PIK3R1: variants seen among roughly 807,000 people sequenced by gnomAD.
PIK3R1 encodes phosphoinositide-3-kinase regulatory subunit 1.
PIK3R1 carries 29 observed loss-of-function variants against 98.0 expected under a neutral mutation model. The ratio of observed to expected loss-of-function variants is 0.30; its 90% CI spans 0.22 to 0.40. PIK3R1 has a LOEUF of 0.40. Among genes scored for constraint, PIK3R1 ranks in the 10% least tolerant of loss-of-function variants. The pLI, the probability that PIK3R1 is intolerant of heterozygous loss-of-function variation, is 1.00. For synonymous variants in PIK3R1, 282 were observed against 311.8 expected (o/e 0.90, Z 1.01); for missense variants, 596 against 872.7 (o/e 0.68, Z 3.99).
At chr5:68,224,806 A>G (rs1363091270) in intron 1 of PIK3R1, among the ~76,000 whole-genome samples, 2 of 152,238 alleles carry the variant, frequency 1.3e-5, no homozygotes, top group Admixed American at 6.5e-5. Flanking sequence ...TACAAAGTGT[A>G]TATGTGTACA....
intron 2 of PIK3R1, among the ~76,000 whole-genome samples, chr5:68,257,546 T>G (rs1437009106): frequency 6.6e-6 from 1 of 152,268 alleles, no homozygotes; most frequent in African/African-American, 2.4e-5. Flanking sequence ...TTGAATTTAT[T>G]ATGTTCTGCT....
chr5:68,239,405 C>T (rs1580187769), intron 2 of PIK3R1, among the ~76,000 whole-genome samples: 1 of 152,088 alleles, frequency 6.6e-6, no homozygotes, highest in South Asian at 2.1e-4. Context: ...CGTATATACA[C>T]ATACATATAT....
At chr5:68,259,057 G>A (rs1446113039) in intron 2 of PIK3R1, among the ~76,000 whole-genome samples, 2 of 152,102 alleles carry the variant, frequency 1.3e-5, no homozygotes, top group African/African-American at 4.8e-5. Flanking sequence ...TCACACTAAA[G>A]AAAAATTGAA....
intron 7 of PIK3R1, among the ~76,000 whole-genome samples, chr5:68,283,496 A>T (rs777170544): frequency 5.9e-5 from 9 of 152,232 alleles, no homozygotes; most frequent in Non-Finnish European, 1.3e-4. Flanking sequence ...AGGGCTTGAA[A>T]TGTGCCTTGA....
chr5:68,225,356 C>T (rs951829283), intron 1 of PIK3R1, among the ~76,000 whole-genome samples: 2 of 152,108 alleles, frequency 1.3e-5, no homozygotes, highest in African/African-American at 4.8e-5. Flanking sequence ...GAATCACAGA[C>T]CAGGGTTTCA....
At chr5:68,288,050 C>T (rs1747151027) in intron 7 of PIK3R1, among the ~76,000 whole-genome samples, 1 of 152,132 alleles carries the variant, frequency 6.6e-6, no homozygotes, top group Non-Finnish European at 1.5e-5. Flanking sequence ...CCAAGAGGTT[C>T]AGGCCTTTAC....
At chr5:68,240,430 A>T (rs1744830744) in intron 2 of PIK3R1, among the ~76,000 whole-genome samples, 1 of 152,250 alleles carries the variant, frequency 6.6e-6, no homozygotes, top group African/African-American at 2.4e-5. Context: ...GAGGAAGTTT[A>T]AACATATTGG....
chr5:68,254,810 C>CA (rs1471665231), intron 2 of PIK3R1, among the ~76,000 whole-genome samples: 1 of 150,046 alleles, frequency 6.7e-6, no homozygotes, highest in African/African-American at 2.5e-5. Flanking sequence ...GAGTAGATTG[C>CA]ATCAGTACAG....
chr5:68,226,195 C>A (rs1291003639), intron 1 of PIK3R1, 95 bp from the exon 2 acceptor site: 1 of 373,170 alleles, frequency 2.7e-6, no homozygotes, highest in Non-Finnish European at 4.8e-6. Flanking sequence ...TCTGCCAAAT[C>A]GATTAAGTAC....
intron 2 of PIK3R1, among the ~76,000 whole-genome samples, chr5:68,248,721 T>A (rs774884160): frequency 2.6e-5 from 4 of 152,100 alleles, no homozygotes; most frequent in East Asian, 3.8e-4. Context: ...AAGAAAGAGG[T>A]CATACAAGGG....
intron 2 of PIK3R1, chr5:68,239,813 G>T: frequency 2.0e-6 from 1 of 498,388 alleles, no homozygotes; most frequent in South Asian, 1.6e-5. Flanking sequence ...GACAAAGTGA[G>T]TTAAACAAGC....
intron 2 of PIK3R1, among the ~76,000 whole-genome samples, chr5:68,248,283 A>C (rs1171481672): frequency 6.6e-6 from 1 of 152,156 alleles, no homozygotes; most frequent in Non-Finnish European, 1.5e-5. Flanking sequence ...TGCCTGGCCA[A>C]CAATGTTCTT....
intron 2 of PIK3R1, among the ~76,000 whole-genome samples, chr5:68,247,587 T>C (rs1449319684): frequency 1.3e-5 from 2 of 151,852 alleles, no homozygotes; most frequent in Non-Finnish European, 2.9e-5. Context: ...CTTTTTTTTT[T>C]TTTTTTCTTG....
At chr5:68,238,290 C>T (rs1284817524) in intron 2 of PIK3R1, among the ~76,000 whole-genome samples, 5 of 152,190 alleles carry the variant, frequency 3.3e-5, no homozygotes, top group Non-Finnish European at 4.4e-5. Flanking sequence ...AGTCACCAGG[C>T]ATGGGTAGGT....
chr5:68,278,664 A>T (rs1206739639), intron 4 of PIK3R1, among the ~76,000 whole-genome samples: 1 of 152,172 alleles, frequency 6.6e-6, no homozygotes, highest in East Asian at 1.9e-4. Context: ...AAACTTGGCC[A>T]GGCACAGTGG....
chr5:68,236,674 G>A (rs1169981833), intron 2 of PIK3R1, among the ~76,000 whole-genome samples: 1 of 152,230 alleles, frequency 6.6e-6, no homozygotes, highest in Non-Finnish European at 1.5e-5. Flanking sequence ...TTTGGGCAAG[G>A]CAGGCAGTCA....
At chr5:68,236,927 A>G (rs1744689919) in intron 2 of PIK3R1, among the ~76,000 whole-genome samples, 2 of 152,248 alleles carry the variant, frequency 1.3e-5, no homozygotes, top group Admixed American at 1.3e-4. Flanking sequence ...AGTTTTGGGT[A>G]TGTGCATGTA....
At chr5:68,235,241 A>G (rs1744618006) in intron 2 of PIK3R1, among the ~76,000 whole-genome samples, 1 of 151,952 alleles carries the variant, frequency 6.6e-6, no homozygotes, top group Non-Finnish European at 1.5e-5. Flanking sequence ...CATCTCTACT[A>G]AAAATACAAA....
At chr5:68,263,199 A>G (rs1205042948) in intron 2 of PIK3R1, among the ~76,000 whole-genome samples, 1 of 130,096 alleles carries the variant, frequency 7.7e-6, no homozygotes, top group Non-Finnish European at 1.6e-5. Context: ...ATCTACATAT[A>G]TATCTATATA....
Sources: gnomAD v4.1 joint callset for allele counts (sites outside exome capture counted in the v4.1 genomes callset) on GRCh38, gnomAD v4.1.1 for gene constraint, MANE v1.5 for transcripts, NCBI Gene and HGNC (gene_info 2026-07-23, HGNC 2026-07-21) for gene names.